Variants in WDR59 observed in about 807,000 individuals in gnomAD.
WDR59 encodes the protein WD repeat domain 59, also known as GATOR2 complex protein WDR59.
A neutral mutation model predicts 131.2 loss-of-function variants in WDR59; 100 were observed. The ratio of observed to expected loss-of-function variants is 0.76; its 90% CI spans 0.65 to 0.90. The LOEUF is 0.90. Among genes scored for constraint, WDR59 ranks in the 40% least tolerant of loss-of-function variants. The probability of loss-of-function intolerance (pLI) is 0.00; values close to 1 mark genes in which losing one functional copy is unlikely to be tolerated. For missense variants in WDR59, 1,203 were observed against 1,262.2 expected (o/e 0.95, Z 0.71); for synonymous variants, 601 against 466.2 (o/e 1.29, Z -3.72).
intron 2 of WDR59, among the ~76,000 whole-genome samples, chr16:74,961,494 T>C (rs2033564582): frequency 6.6e-6 from 1 of 152,212 alleles, no homozygotes; most frequent in Non-Finnish European, 1.5e-5. Context: ...CCACTCTGAC[T>C]GGCGAGAGAT....
intron 11 of WDR59, 76 bp from the exon 12 acceptor site, chr16:74,916,335 A>C: frequency 6.3e-7 from 1 of 1,589,014 alleles, no homozygotes; most frequent in Non-Finnish European, 8.6e-7. Flanking sequence ...AAGAGTTCTG[A>C]CTTAAAAATG....
At chr16:74,892,904 G>A (rs960122861) in intron 19 of WDR59, among the ~76,000 whole-genome samples, 16 of 152,192 alleles carry the variant, frequency 1.1e-4, no homozygotes, top group Admixed American at 8.5e-4. Context: ...AAATACATGC[G>A]ACACTGACTA....
chr16:74,941,019 G>A (rs755219962), intron 7 of WDR59, among the ~76,000 whole-genome samples: 5 of 151,552 alleles, frequency 3.3e-5, no homozygotes, highest in Non-Finnish European at 5.9e-5. Flanking sequence ...TGCTGTTATA[G>A]TGACAAACTG....
At chr16:74,927,571 G>C (rs2030942862) in intron 8 of WDR59, among the ~76,000 whole-genome samples, 1 of 123,136 alleles carries the variant, frequency 8.1e-6, no homozygotes. Context: ...CTGGGCAATA[G>C]AGCGAGACTC....
At chr16:74,973,775 C>T (rs934445957) in intron 1 of WDR59, among the ~76,000 whole-genome samples, 1 of 152,198 alleles carries the variant, frequency 6.6e-6, no homozygotes, top group African/African-American at 2.4e-5. Context: ...GTGGCTCATA[C>T]CTGTAATCCC....
intron 18 of WDR59, among the ~76,000 whole-genome samples, chr16:74,895,649 T>C (rs941824665): frequency 2.6e-5 from 4 of 152,216 alleles, no homozygotes; most frequent in Non-Finnish European, 5.9e-5. Context: ...GGAAGCTTTA[T>C]CAATTATTAT....
In WDR59 at chr16:74,893,751, G is replaced by C; in HGVS notation, c.1928C>G (p.Ala643Gly). The C allele has an allele frequency of 1.2e-6, 2 of 1,614,198 alleles. No individual in the cohort carries two copies. The highest frequency in any genetic ancestry group is 1.7e-6 in the Non-Finnish European group (2 of 1,180,030). ...GSDSGNRQIKAAGKVIIQDIA... is the reference protein window; with the variant it reads ...GSDSGNRQIKGAGKVIIQDIA... Reference sequence around the variant, plus strand: ...ATCCTGGATGATGACTTTCCCAGCAGCCTTGATCTGTCGATTGCCAGAGTC... The same window carrying C: ...ATCCTGGATGATGACTTTCCCAGCACCCTTGATCTGTCGATTGCCAGAGTC... Residue 643 changes from alanine (A) to glycine (G), a missense_variant, in exon 19 of 26, where the codon GCT (alanine) becomes GGT (glycine). Transcript: ENST00000262144.
At chr16:74,928,207 T>G (rs999832054) in intron 8 of WDR59, among the ~76,000 whole-genome samples, 15 of 22,822 alleles carry the variant, frequency 6.6e-4, no homozygotes, top group African/African-American at 9.7e-4. Context: ...CATCCAGGTT[T>G]TTTTTTTTTT....
chr16:74,956,103 C>T (rs1222500881), intron 3 of WDR59, among the ~76,000 whole-genome samples: 1 of 152,096 alleles, frequency 6.6e-6, no homozygotes, highest in African/African-American at 2.4e-5. Flanking sequence ...TGAAGGTCAA[C>T]TCCACACCAG....
rs137917642 is a variant in WDR59, at chr16:74,982,974, A to C, written c.54+1990T>G. 8.3e-4 allele frequency among the ~76,000 whole-genome samples: 126 copies of C among 152,370 alleles called. 1 individual carries two copies. Among genetic ancestry groups the C allele is most frequent in the Admixed American group, 4.5e-3 (69 of 15,302 alleles). On this transcript the variant is annotated intron_variant, in intron 1 of 25. Coordinates refer to ENST00000262144, the MANE Select transcript of WDR59 (RefSeq NM_030581.4). ...TATAGTGTATACCTGAAGGGAGCTC[A>C]GTAAATCCTTGTTGAATAAATGAGT... is the stretch of plus-strand genomic sequence containing the variant.
chr16:74,884,674 C>T (rs553073847), intron 25 of WDR59, among the ~76,000 whole-genome samples: 1 of 152,258 alleles, frequency 6.6e-6, no homozygotes, highest in East Asian at 1.9e-4. Flanking sequence ...CCGCAACTTA[C>T]AAGCCCCTGC....
chr16:74,960,338 G>C (rs2033503030), intron 2 of WDR59, among the ~76,000 whole-genome samples: 1 of 151,534 alleles, frequency 6.6e-6, no homozygotes, highest in Admixed American at 6.6e-5. Flanking sequence ...CTAAAAAAAA[G>C]AAAGAAGCTA....
chr16:74,946,981 G>A (rs1042880872), intron 6 of WDR59, among the ~76,000 whole-genome samples: 2 of 152,158 alleles, frequency 1.3e-5, no homozygotes, highest in African/African-American at 4.8e-5. Flanking sequence ...TGACAATTTA[G>A]CTTTATCTCT....
chr16:74,894,536 C>G (rs182430632), intron 18 of WDR59, among the ~76,000 whole-genome samples: 1 of 152,054 alleles, frequency 6.6e-6, no homozygotes, highest in Non-Finnish European at 1.5e-5. Flanking sequence ...CAGAGCACAG[C>G]CCCATCTGGA....
intron 18 of WDR59, among the ~76,000 whole-genome samples, chr16:74,896,695 A>G (rs188864632): frequency 1.3e-5 from 2 of 152,266 alleles, no homozygotes; most frequent in East Asian, 1.9e-4. Context: ...AAAGCATATT[A>G]TTAATTAAGA....
At chr16:74,950,165 A>C (rs908511488) in intron 4 of WDR59, among the ~76,000 whole-genome samples, 4 of 152,112 alleles carry the variant, frequency 2.6e-5, no homozygotes, top group African/African-American at 9.7e-5. Context: ...AGTATGGTGA[A>C]ACCCCGTCTC....
chr16:74,888,630 C>T (rs1156518240), intron 21 of WDR59, among the ~76,000 whole-genome samples: 2 of 152,232 alleles, frequency 1.3e-5, no homozygotes, highest in Non-Finnish European at 2.9e-5. Context: ...ACTAAGTGGA[C>T]TAACCTGACA....
rs537289575 is a variant in WDR59, at chr16:74,873,811, C to T, written c.*398G>A. 2.8e-5 allele frequency: 5 copies of T among 180,406 alleles called. No homozygotes were observed. Among genetic ancestry groups the T allele is most frequent in the Admixed American group, 5.6e-5 (1 of 18,014 alleles). 11.2% of individuals were successfully genotyped at this position (180,406 alleles called of 1,614,324 possible). A position where few individuals can be genotyped will look rare whatever the true frequency, so the allele number is the denominator to read the frequency against. On this transcript the variant is annotated 3_prime_UTR_variant, in exon 26 of 26. Transcript: ENST00000262144. Reference sequence around the variant, plus strand: ...TGATGAAATTCCTACCCACTGTCCTCGGGCATCTGACTCTGGTCTCTGCAC... The same window carrying T: ...TGATGAAATTCCTACCCACTGTCCTTGGGCATCTGACTCTGGTCTCTGCAC...
intron 2 of WDR59, among the ~76,000 whole-genome samples, 194 bp from the exon 3 acceptor site, chr16:74,956,804 A>G (rs1315101544): frequency 6.6e-6 from 1 of 152,180 alleles, no homozygotes; most frequent in African/African-American, 2.4e-5. Flanking sequence ...CAAAGGGAAG[A>G]AGTGTCCCTG....
Sources: gnomAD v4.1 joint callset for allele counts (sites outside exome capture counted in the v4.1 genomes callset) on GRCh38, gnomAD v4.1.1 for gene constraint, MANE v1.5 for transcripts, NCBI Gene and HGNC (gene_info 2026-07-23, HGNC 2026-07-21) for gene names.